The following SNTG1 variants were observed in gnomAD, a reference collection of about 807,000 sequenced individuals.
SNTG1 encodes syntrophin gamma 1.
A neutral mutation model predicts 74.7 loss-of-function variants in SNTG1; 39 were observed. The observed-to-expected ratio is 0.52, with a 90% CI of 0.40 to 0.68. The LOEUF (loss-of-function observed/expected upper bound fraction) is 0.68. SNTG1 is among the 30% of genes least tolerant of loss of function. The pLI is 0.00. For missense variants in SNTG1, 685 were observed against 609.5 expected (o/e 1.12, Z -1.30); for synonymous variants, 254 against 217.1 (o/e 1.17, Z -1.49).
intron 13 of SNTG1, among the ~76,000 whole-genome samples, chr8:50,622,431 T>C (rs2094929274): frequency 6.6e-6 from 1 of 152,162 alleles, no homozygotes; most frequent in Non-Finnish European, 1.5e-5. Context: ...AGTTTAATTG[T>C]TATAGAAAAC....
chr8:50,687,868 A>G (rs1430912828), intron 15 of SNTG1, among the ~76,000 whole-genome samples: 1 of 152,122 alleles, frequency 6.6e-6, no homozygotes, highest in Admixed American at 6.6e-5. Context: ...TTACAGTCCC[A>G]CCAATGGTGT....
At chr8:50,283,583 G>A (rs1199587677) in intron 2 of SNTG1, among the ~76,000 whole-genome samples, 1 of 152,038 alleles carries the variant, frequency 6.6e-6, no homozygotes, top group Non-Finnish European at 1.5e-5. Context: ...GCATCCTTTA[G>A]TATTAGTTCT....
chr8:50,106,795 C>A (rs2080389515), intron 1 of SNTG1, among the ~76,000 whole-genome samples: 1 of 152,040 alleles, frequency 6.6e-6, no homozygotes, highest in African/African-American at 2.4e-5. Context: ...GACAACTCAC[C>A]TTTATTATGT....
At chr8:50,159,556 A>G (rs2082352677) in intron 1 of SNTG1, among the ~76,000 whole-genome samples, 1 of 152,178 alleles carries the variant, frequency 6.6e-6, no homozygotes, top group Non-Finnish European at 1.5e-5. Flanking sequence ...ATTTTGGTCA[A>G]AGGAAAAAGC....
chr8:49,990,621 A>G (rs547897689), intron 1 of SNTG1, among the ~76,000 whole-genome samples: 1 of 152,254 alleles, frequency 6.6e-6, no homozygotes, highest in East Asian at 1.9e-4. Flanking sequence ...CATAGAGGTT[A>G]ATGGAATAGA....
At chr8:50,738,548 GA>G (rs1326532274) in intron 17 of SNTG1, among the ~76,000 whole-genome samples, 7 of 152,076 alleles carry the variant, frequency 4.6e-5, no homozygotes, top group African/African-American at 1.7e-4. Context: ...CACAGAATTA[GA>G]AAAAACTACT....
At chr8:50,736,048 A>C (rs1187048340) in intron 17 of SNTG1, among the ~76,000 whole-genome samples, 1 of 151,982 alleles carries the variant, frequency 6.6e-6, no homozygotes, top group Non-Finnish European at 1.5e-5. Flanking sequence ...GAGAAATAAA[A>C]TCTTTTACAA....
At chr8:50,424,224 G>A (rs898835607) in intron 4 of SNTG1, among the ~76,000 whole-genome samples, 1 of 152,126 alleles carries the variant, frequency 6.6e-6, no homozygotes, top group Non-Finnish European at 1.5e-5. Context: ...CCCTCCCTCA[G>A]CATCACTCCT....
At chr8:50,090,126 T>C (rs1300241883) in intron 1 of SNTG1, among the ~76,000 whole-genome samples, 2 of 152,216 alleles carry the variant, frequency 1.3e-5, no homozygotes, top group Non-Finnish European at 2.9e-5. Flanking sequence ...ATTAATTGTA[T>C]ACCAGTCCTC....
chr8:50,312,688 C>A (rs1354882790), intron 2 of SNTG1, among the ~76,000 whole-genome samples: 1 of 149,960 alleles, frequency 6.7e-6, no homozygotes, highest in Non-Finnish European at 1.5e-5. Context: ...TAAACTTCCA[C>A]ATGGCAAAAT....
chr8:50,505,646 A>G (rs1563490676), intron 9 of SNTG1, among the ~76,000 whole-genome samples: 1 of 152,082 alleles, frequency 6.6e-6, no homozygotes, highest in South Asian at 2.1e-4. Context: ...GGCCATTTGC[A>G]TATTTTCTTT....
chr8:50,514,514 A>T (rs1463271322), intron 9 of SNTG1, among the ~76,000 whole-genome samples: 1 of 151,984 alleles, frequency 6.6e-6, no homozygotes, highest in Non-Finnish European at 1.5e-5. Flanking sequence ...TCATTGTTTA[A>T]TTTCCACTCA....
intron 1 of SNTG1, among the ~76,000 whole-genome samples, chr8:49,967,498 T>C (rs918139640): frequency 5.9e-5 from 9 of 152,338 alleles, no homozygotes; most frequent in African/African-American, 1.9e-4. Context: ...TTTCATCTGA[T>C]AAAATCTTCA....
At chr8:50,080,565 T>C (rs1822310327) in intron 1 of SNTG1, among the ~76,000 whole-genome samples, 1 of 152,156 alleles carries the variant, frequency 6.6e-6, no homozygotes, top group Non-Finnish European at 1.5e-5. Context: ...CAAATAAGTA[T>C]TTTCAGTGTG....
At chr8:50,363,479 T>G (rs1308110751) in intron 2 of SNTG1, among the ~76,000 whole-genome samples, 3 of 152,138 alleles carry the variant, frequency 2.0e-5, no homozygotes, top group Admixed American at 6.5e-5. Context: ...ACTTTGTCCC[T>G]GAAGCTTGTG....
chr8:49,973,747 A>C (rs1183483151), intron 1 of SNTG1, among the ~76,000 whole-genome samples: 2 of 152,226 alleles, frequency 1.3e-5, no homozygotes, highest in African/African-American at 4.8e-5. Flanking sequence ...ATAAAATTAC[A>C]GATACAGAGG....
intron 1 of SNTG1, among the ~76,000 whole-genome samples, chr8:49,973,252 C>T (rs1811872112): frequency 6.6e-6 from 1 of 151,772 alleles, no homozygotes; most frequent in South Asian, 2.1e-4. Flanking sequence ...TCTCAGCAAA[C>T]TATCACAAGG....
intron 1 of SNTG1, among the ~76,000 whole-genome samples, chr8:50,006,349 CT>C (rs918147851): frequency 3.9e-5 from 6 of 151,940 alleles, no homozygotes; most frequent in African/African-American, 7.3e-5. Context: ...GCTGTTGAAA[CT>C]TTTTTTTATG....
chr8:50,566,685 A>T (rs1348561397), intron 12 of SNTG1, among the ~76,000 whole-genome samples: 1 of 151,312 alleles, frequency 6.6e-6, no homozygotes. Flanking sequence ...TCCATTGTTT[A>T]ATCAATCAAG....
Sources: allele counts gnomAD v4.1 joint callset (sites outside exome capture counted in the v4.1 genomes callset), GRCh38; gene constraint gnomAD v4.1.1; transcripts MANE v1.5; gene names NCBI Gene and HGNC (gene_info 2026-07-23, HGNC 2026-07-21).